The following GALNT18 variants were observed in gnomAD, a reference collection of about 807,000 sequenced individuals.
The protein encoded by GALNT18 is GalNAc-transferase 18.
Under a neutral mutation model 69.5 loss-of-function variants are expected in GALNT18, and 44 were observed. That is an observed-to-expected ratio of 0.63 (90% confidence interval 0.50 to 0.81). The LOEUF (loss-of-function observed/expected upper bound fraction) is 0.81. Ranked by LOEUF, GALNT18 falls within the 40% of genes least tolerant of loss-of-function variation. The probability of loss-of-function intolerance (pLI) is 0.00; values close to 1 mark genes in which losing one functional copy is unlikely to be tolerated. For synonymous variants in GALNT18, 364 were observed against 318.2 expected, an observed-to-expected ratio of 1.14 and a Z score of -1.53; for missense variants, 715 against 810.0, an observed-to-expected ratio of 0.88 and a Z score of 1.42.
At chr11:11,284,906 G>GTT (rs1360585413) in intron 10 of GALNT18, among the ~76,000 whole-genome samples, 1 of 24,542 alleles carries the variant, frequency 4.1e-5, no homozygotes, top group African/African-American at 2.3e-4. Flanking sequence ...AAAGACTTTC[G>GTT]TGTTTTTTTT....
At chr11:11,296,056 AAATT>A (rs1168584563) in intron 9 of GALNT18, among the ~76,000 whole-genome samples, 2 of 152,284 alleles carry the variant, frequency 1.3e-5, no homozygotes, top group East Asian at 3.9e-4. Flanking sequence ...AGGATGGAGA[AAATT>A]AAACAGCCAT....
rs576621848 is a variant in GALNT18 at position 11,419,026 on chromosome 11, C to T, written c.595+13595G>A. Among the ~76,000 whole-genome samples, 7 of 152,276 alleles carry T rather than the reference C, an allele frequency of 4.6e-5. No homozygotes were observed. The South Asian group carries it at 1.5e-3, about 32-fold the overall frequency. On this transcript the variant is annotated intron_variant, in intron 3 of 10. Coordinates refer to ENST00000227756, the MANE Select transcript of GALNT18 (RefSeq NM_198516.3). ...AGGTCAGGTGCTCAGTGGAGAACCA[C>T]CTGAGCCACTGGAGAAGGCCACTGG...
intron 5 of GALNT18, among the ~76,000 whole-genome samples, chr11:11,376,680 G>C (rs11603998): frequency 0.064 from 9,775 of 152,208 alleles, 447 homozygotes; most frequent in Middle Eastern, 0.23. Flanking sequence ...CACTTCTAGT[G>C]ACTTTGAACC....
At chr11:11,483,262 C>T (rs1344483461) in intron 1 of GALNT18, among the ~76,000 whole-genome samples, 2 of 152,156 alleles carry the variant, frequency 1.3e-5, no homozygotes, top group Admixed American at 6.5e-5. Flanking sequence ...CTCTAGGGCT[C>T]CCTTCTGGGC....
At chr11:11,544,419 C>A (rs910305588) in intron 1 of GALNT18, among the ~76,000 whole-genome samples, 1 of 152,214 alleles carries the variant, frequency 6.6e-6, no homozygotes, top group Non-Finnish European at 1.5e-5. Flanking sequence ...TGCATTAAGT[C>A]ATATAATTTG....
intron 1 of GALNT18, among the ~76,000 whole-genome samples, chr11:11,549,718 CT>C (rs1397841776): frequency 6.6e-6 from 1 of 152,216 alleles, no homozygotes; most frequent in Non-Finnish European, 1.5e-5. Context: ...TGGTAACCTT[CT>C]TTGAACTGTT....
Position 11,464,931 on chromosome 11 carries a change from C to T in GALNT18, c.236-15995G>A, listed in dbSNP as rs542702024. On this transcript the variant is annotated intron_variant, in intron 1 of 10. Transcript: ENST00000227756. ...CACATTCTATGGGCAACATAAACACCGGCTGTTGTTACTATTATTGTTACT... is the reference window on the plus strand; with the variant it reads ...CACATTCTATGGGCAACATAAACACTGGCTGTTGTTACTATTATTGTTACT... 7.2e-5 allele frequency among the ~76,000 whole-genome samples: 11 copies of T among 152,278 alleles called. No individual in the cohort carries two copies. In the South Asian group the frequency reaches 2.1e-3, roughly 29 times the overall value.
chr11:11,474,455 G>A (rs1216160829), intron 1 of GALNT18, among the ~76,000 whole-genome samples: 1 of 152,130 alleles, frequency 6.6e-6, no homozygotes, highest in African/African-American at 2.4e-5. Context: ...TAATAGCAAT[G>A]GGAAAACTTG....
chr11:11,274,746 T>C (rs1848903697), intron 10 of GALNT18, among the ~76,000 whole-genome samples: 1 of 152,214 alleles, frequency 6.6e-6, no homozygotes, highest in Non-Finnish European at 1.5e-5. Flanking sequence ...TTCCCCTCCC[T>C]GTGTCCATGT....
rs1449332961 is a variant in GALNT18, at chr11:11,534,964, G to A, written c.236-86028C>T. On this transcript the variant is annotated intron_variant, in intron 1 of 10. Coordinates refer to ENST00000227756, the MANE Select transcript of GALNT18 (RefSeq NM_198516.3). ...TGCAGTGGGGACGCCATGGGGCAGGGAGCCAGCAGACCTTGTTCGGGTCCT... is the reference window on the plus strand; with the variant it reads ...TGCAGTGGGGACGCCATGGGGCAGGAAGCCAGCAGACCTTGTTCGGGTCCT... Among the ~76,000 whole-genome samples, 10 of 152,372 alleles carry A rather than the reference G, an allele frequency of 6.6e-5. No individual in the cohort carries two copies. In the East Asian group the frequency reaches 1.7e-3, roughly 26 times the overall value.
chr11:11,488,378 C>T (rs143677316), intron 1 of GALNT18, among the ~76,000 whole-genome samples: 62 of 152,120 alleles, frequency 4.1e-4, no homozygotes, highest in Admixed American at 1.3e-3. Context: ...GAATCCTTCT[C>T]GCATTGAATC....
chr11:11,601,789 AC>A lies in GALNT18; in HGVS notation c.235+19569del. ...GACTTTAAGCAAAATATAACATATA[AC>A]AAAACCTGTTTTTTTCTCATCAATG... is the stretch of plus-strand genomic sequence containing the variant. On this transcript the variant is annotated intron_variant, in intron 1 of 10. Coordinates refer to ENST00000227756, the MANE Select transcript of GALNT18 (RefSeq NM_198516.3). This position sits in a 1 kb window ranked among gnomAD's most constrained non-coding sequence, Gnocchi z 4.0. Among the ~76,000 whole-genome samples the A allele has an allele frequency of 6.6e-6, 1 of 152,316 alleles. No individual in the cohort carries two copies. Among genetic ancestry groups the A allele is most frequent in the African/African-American group, 2.4e-5 (1 of 41,558 alleles).
intron 6 of GALNT18, among the ~76,000 whole-genome samples, chr11:11,345,100 C>G (rs1850279981): frequency 6.6e-6 from 1 of 152,186 alleles, no homozygotes; most frequent in Non-Finnish European, 1.5e-5. Flanking sequence ...CCCAGCCCAG[C>G]AGAGGGGTAC....
chr11:11,371,783 A>T (rs1452989225), intron 6 of GALNT18, among the ~76,000 whole-genome samples: 1 of 152,178 alleles, frequency 6.6e-6, no homozygotes, highest in East Asian at 1.9e-4. Flanking sequence ...CCTAACAGGA[A>T]CCTCAGATAA....
intron 5 of GALNT18, among the ~76,000 whole-genome samples, chr11:11,375,380 C>T (rs778468846): frequency 2.2e-4 from 33 of 152,196 alleles, no homozygotes; most frequent in Non-Finnish European, 4.3e-4. Context: ...GGAATGCAGG[C>T]TTGCTGATTG....
chr11:11,321,152 G>C (rs1849833088), intron 9 of GALNT18, among the ~76,000 whole-genome samples: 1 of 152,208 alleles, frequency 6.6e-6, no homozygotes, highest in Non-Finnish European at 1.5e-5. Flanking sequence ...AAAGGAATTA[G>C]AGATAAGCAG....
rs2133055875 is a variant in GALNT18 at position 11,340,071 on chromosome 11, A to G, written c.1278+748T>C. ...ATGAACTCTAGGCAGACAGGCTGGT[A>G]AGTGGGTTGGAATCATGTGGCTGGC... On this transcript the variant is annotated intron_variant, in intron 7 of 10. Transcript: ENST00000227756. The surrounding 1 kb of genome is among the most constrained non-coding windows in gnomAD (Gnocchi z 4.2). Among the ~76,000 whole-genome samples, 1 of 142,558 alleles carries G rather than the reference A, an allele frequency of 7.0e-6. No homozygotes were observed. Among genetic ancestry groups the G allele is most frequent in the East Asian group, 2.1e-4 (1 of 4,682 alleles). The allele number at this position is 142,558 out of a possible 152,430, so 93.5% of individuals were successfully genotyped here.
rs377667370 is a variant in GALNT18, at chr11:11,392,068, T to G, written c.596-12804A>C. Among the ~76,000 whole-genome samples, 3 of 152,242 alleles carry G rather than the reference T, an allele frequency of 2.0e-5. No homozygotes were observed. In the South Asian group the frequency reaches 6.2e-4, roughly 31 times the overall value. On this transcript the variant is annotated intron_variant, in intron 3 of 10. Transcript: ENST00000227756. Reference sequence around the variant, plus strand: ...TCCTCCAGGAAGACTTTAGTACTGTTTTTCTTTGGTTTCCTCTGCCCTTTG... The same window carrying G: ...TCCTCCAGGAAGACTTTAGTACTGTGTTTCTTTGGTTTCCTCTGCCCTTTG...
At position 11,541,474 on chromosome 11, in the gene GALNT18, C is replaced by T. The variant is rs1450254563; in HGVS notation, c.235+79885G>A. ...ACCTTCCACCTGTAGTTGGGGTGAT[C>T]TTTCTAGACCACAAACCTCGTCATG... is the stretch of plus-strand genomic sequence containing the variant. On this transcript the variant is annotated intron_variant, in intron 1 of 10. Transcript: ENST00000227756. This position sits in a 1 kb window ranked among gnomAD's most constrained non-coding sequence, Gnocchi z 4.8. Among the ~76,000 whole-genome samples the T allele has an allele frequency of 1.3e-5, 2 of 152,192 alleles. No individual in the cohort carries two copies. Among genetic ancestry groups the T allele is most frequent in the African/African-American group, 4.8e-5 (2 of 41,446 alleles).
Sources: allele counts gnomAD v4.1 joint callset (sites outside exome capture counted in the v4.1 genomes callset), GRCh38; gene constraint gnomAD v4.1.1; non-coding constraint Gnocchi (gnomAD v3.1); transcripts MANE v1.5; gene names NCBI Gene and HGNC (gene_info 2026-07-23, HGNC 2026-07-21).